Variants in GRID1 observed in about 807,000 individuals in gnomAD.
The protein encoded by GRID1 is glutamate ionotropic receptor delta type subunit 1.
Under a neutral mutation model 98.0 loss-of-function variants are expected in GRID1, and 28 were observed. That is an observed-to-expected ratio of 0.29 (90% confidence interval 0.21 to 0.39). The LOEUF is 0.39. Ranked by LOEUF, GRID1 falls within the 10% of genes least tolerant of loss-of-function variation. The probability of loss-of-function intolerance (pLI) is 1.00; values close to 1 mark genes in which losing one functional copy is unlikely to be tolerated. For missense variants in GRID1, 1,111 were observed against 1,340.5 expected (o/e 0.83, Z 2.67); for synonymous variants, 553 against 538.5 (o/e 1.03, Z -0.37).
chr10:85,702,878 G>A (rs1252618198), intron 12 of GRID1, among the ~76,000 whole-genome samples: 1 of 150,942 alleles, frequency 6.6e-6, no homozygotes, highest in African/African-American at 2.5e-5. Context: ...GGAGGAGAAG[G>A]AGAAGGAAAA....
intron 8 of GRID1, among the ~76,000 whole-genome samples, chr10:85,775,293 A>G (rs967999187): frequency 2.3e-5 from 3 of 130,974 alleles, no homozygotes; most frequent in African/African-American, 8.6e-5. Flanking sequence ...ACATGGACAC[A>G]GGAAGGGGAA....
In GRID1 at chr10:86,177,701, G is replaced by A. The variant is rs117395695; in HGVS notation, c.520+28663C>T. Among the ~76,000 whole-genome samples, 1,044 of 151,830 alleles carry A rather than the reference G, an allele frequency of 6.9e-3. 18 individuals are homozygous for A. Among genetic ancestry groups the A allele is most frequent in the Admixed American group, 0.044 (669 of 15,250 alleles). On this transcript the variant is annotated intron_variant, in intron 3 of 15. Transcript: ENST00000327946. ...GGTGTGTATGAGAGAAAGAGACAGA[G>A]GCAGAGAGAGATTCCAGTGTGTGTA...
chr10:86,241,814 G>C (rs1846640825), intron 2 of GRID1, among the ~76,000 whole-genome samples: 6 of 152,148 alleles, frequency 3.9e-5, no homozygotes, highest in Admixed American at 3.9e-4. Context: ...AGCCCAGACT[G>C]CCTGGATGGA....
intron 2 of GRID1, among the ~76,000 whole-genome samples, chr10:86,358,316 A>G (rs1848559426): frequency 6.6e-6 from 1 of 152,228 alleles, no homozygotes; most frequent in Non-Finnish European, 1.5e-5. Flanking sequence ...GGAGGTGGAC[A>G]ATGCATATTG....
intron 8 of GRID1, among the ~76,000 whole-genome samples, chr10:85,820,164 A>AAAGT (rs1842756445): frequency 6.6e-6 from 1 of 151,564 alleles, no homozygotes. Flanking sequence ...AGAAAGAAAG[A>AAAGT]AAGAAAGAGA....
chr10:85,887,508 C>G (rs781706590), intron 5 of GRID1, among the ~76,000 whole-genome samples: 1 of 152,152 alleles, frequency 6.6e-6, no homozygotes, highest in Non-Finnish European at 1.5e-5. Context: ...GTCAGAAATG[C>G]AAAGTCTCAG....
rs115429615 is a variant in GRID1, at chr10:86,341,437, C to T, written c.235+22504G>A. Among the ~76,000 whole-genome samples the T allele has an allele frequency of 6.2e-3, 947 of 152,178 alleles. 8 individuals carry two copies. Among genetic ancestry groups the T allele is most frequent in the African/African-American group, 0.022 (905 of 41,512 alleles). On this transcript the variant is annotated intron_variant, in intron 2 of 15. Transcript: ENST00000327946. ...TCCCTCACACGTTTCCAGAAGGGCC[C>T]GCTTAGGGAAATGCTTAACCAAGGA...
At chr10:85,638,113 C>T (rs1386798112) in intron 13 of GRID1, among the ~76,000 whole-genome samples, 4 of 98,940 alleles carry the variant, frequency 4.0e-5, no homozygotes, top group African/African-American at 7.4e-5. Flanking sequence ...AAAATTATAA[C>T]CAAAGTAAAA....
chr10:86,078,582 C>T (rs1046683877), intron 4 of GRID1, among the ~76,000 whole-genome samples: 2 of 152,240 alleles, frequency 1.3e-5, no homozygotes, highest in Non-Finnish European at 2.9e-5. Context: ...AGCCTTGCTT[C>T]CTGTCTTGTC....
chr10:86,355,258 C>G (rs1246674469), intron 2 of GRID1, among the ~76,000 whole-genome samples: 2 of 152,234 alleles, frequency 1.3e-5, no homozygotes, highest in African/African-American at 4.8e-5. Context: ...AGACAGCCAC[C>G]ACACTCCCGC....
intron 3 of GRID1, among the ~76,000 whole-genome samples, chr10:86,155,963 C>G (rs771551843): frequency 6.6e-6 from 1 of 152,152 alleles, no homozygotes; most frequent in African/African-American, 2.4e-5. Flanking sequence ...GAGGACAAAG[C>G]CCCCAGACAT....
intron 8 of GRID1, among the ~76,000 whole-genome samples, chr10:85,812,761 C>T (rs1337723497): frequency 1.3e-5 from 2 of 151,600 alleles, no homozygotes; most frequent in Non-Finnish European, 3.0e-5. Flanking sequence ...TCCCTCCCCC[C>T]AATCTCTCTC....
intron 4 of GRID1, among the ~76,000 whole-genome samples, chr10:85,988,503 C>T (rs1842639384): frequency 6.6e-6 from 1 of 152,212 alleles, no homozygotes; most frequent in Non-Finnish European, 1.5e-5. Context: ...GCCTGAAAGT[C>T]TGCTCCCCAA....
At chr10:85,882,146 G>C (rs992861168) in intron 5 of GRID1, among the ~76,000 whole-genome samples, 3 of 152,196 alleles carry the variant, frequency 2.0e-5, no homozygotes, top group African/African-American at 7.2e-5. Flanking sequence ...AGGATGTGGA[G>C]AAATAGGAAC....
At chr10:86,188,699 C>T (rs1845759585) in intron 3 of GRID1, among the ~76,000 whole-genome samples, 1 of 152,190 alleles carries the variant, frequency 6.6e-6, no homozygotes, top group South Asian at 2.1e-4. Flanking sequence ...ATCCATCACC[C>T]ACCACTGCCA....
intron 8 of GRID1, among the ~76,000 whole-genome samples, chr10:85,736,152 G>A (rs1162576811): frequency 6.9e-6 from 1 of 144,298 alleles, no homozygotes; most frequent in African/African-American, 2.6e-5. Context: ...AAGGAAGGAA[G>A]GAGGGAGGGA....
chr10:86,119,090 C>T (rs568631705), intron 4 of GRID1, among the ~76,000 whole-genome samples: 39 of 152,276 alleles, frequency 2.6e-4, no homozygotes, highest in Admixed American at 6.5e-5. Context: ...AATCCCAGCA[C>T]TTTCAGAGGC....
chr10:86,143,906 A>C (rs897096636), intron 3 of GRID1, among the ~76,000 whole-genome samples: 1 of 152,122 alleles, frequency 6.6e-6, no homozygotes, highest in African/African-American at 2.4e-5. Flanking sequence ...AGGCCTTGAC[A>C]TCGCCTCTCT....
intron 5 of GRID1, among the ~76,000 whole-genome samples, chr10:85,878,121 GA>G (rs1840930002): frequency 6.6e-6 from 1 of 152,204 alleles, no homozygotes. Flanking sequence ...GGGACTATGT[GA>G]AAAGACCAAA....
Sources: allele counts gnomAD v4.1 joint callset (sites outside exome capture counted in the v4.1 genomes callset), GRCh38; gene constraint gnomAD v4.1.1; transcripts MANE v1.5; gene names NCBI Gene and HGNC (gene_info 2026-07-23, HGNC 2026-07-21).